SLC47A2: variants seen among roughly 807,000 people sequenced by gnomAD.
The protein encoded by SLC47A2 is multidrug and toxin extrusion protein 2.
Under a neutral mutation model 67.7 loss-of-function variants are expected in SLC47A2, and 52 were observed. The observed-to-expected ratio is 0.77, with a 90% CI of 0.61 to 0.97. SLC47A2 has a LOEUF of 0.97. SLC47A2 is among the 50% of genes least tolerant of loss of function. SLC47A2 has a pLI of 0.00. For missense variants in SLC47A2, 676 were observed against 712.3 expected, an observed-to-expected ratio of 0.95 and a Z score of 0.58; for synonymous variants, 278 against 292.9, an observed-to-expected ratio of 0.95 and a Z score of 0.52.
intron 13 of SLC47A2, among the ~76,000 whole-genome samples, chr17:19,682,329 TCACACACA>T (rs376421449): frequency 6.7e-4 from 97 of 143,886 alleles, no homozygotes; most frequent in African/African-American, 1.7e-3. Context: ...CGAGACTTGG[TCACACACA>T]CACACACACA....
chr17:19,712,973 C>A (rs895910178), intron 4 of SLC47A2, among the ~76,000 whole-genome samples: 5 of 152,138 alleles, frequency 3.3e-5, no homozygotes, highest in African/African-American at 1.2e-4. Context: ...AACTTAAATT[C>A]AGAGTAACGT....
At chr17:19,686,724 G>T (rs943922364) in intron 13 of SLC47A2, among the ~76,000 whole-genome samples, 1 of 152,022 alleles carries the variant, frequency 6.6e-6, no homozygotes, top group East Asian at 1.9e-4. Context: ...CGATAAAGGG[G>T]GTCAGTTCAG....
intron 16 of SLC47A2, 39 bp downstream of exon 16, chr17:19,679,913 A>G (rs746478699): frequency 6.3e-7 from 1 of 1,592,258 alleles, no homozygotes; most frequent in East Asian, 2.2e-5. Flanking sequence ...ACTGACATTT[A>G]TATGTGTACC....
At chr17:19,711,588 CAAAAAA>C (rs35308426) in intron 5 of SLC47A2, among the ~76,000 whole-genome samples, 59 of 33,010 alleles carry the variant, frequency 1.8e-3, no homozygotes, top group South Asian at 9.1e-3. Flanking sequence ...AACTCCGTCT[CAAAAAA>C]AAAAAAAAAA....
intron 13 of SLC47A2, among the ~76,000 whole-genome samples, chr17:19,693,354 G>A (rs919868314): frequency 5.9e-5 from 9 of 152,052 alleles, no homozygotes; most frequent in African/African-American, 1.9e-4. Context: ...TTCTCAACTT[G>A]AAAAAGGGCA....
rs117800395 is a variant in SLC47A2 at position 19,709,267 on chromosome 17, G to A, written c.487-507C>T. Among the ~76,000 whole-genome samples the A allele has an allele frequency of 2.0e-3, 302 of 152,314 alleles. 5 individuals are homozygous for A. The East Asian group carries it at 0.046, about 23-fold the overall frequency. On this transcript the variant is annotated intron_variant, in intron 5 of 16. Transcript: ENST00000433844. ...AGGTTCAAGACCCTACGGGGGTGGC[G>A]GGCCCTTCCCTGGCTGGGGAGGACC...
chr17:19,703,431 A>G (rs892770751), intron 11 of SLC47A2, among the ~76,000 whole-genome samples: 1 of 152,252 alleles, frequency 6.6e-6, no homozygotes, highest in Non-Finnish European at 1.5e-5. Context: ...CATTAGCATC[A>G]CGTGGGAACT....
intron 13 of SLC47A2, among the ~76,000 whole-genome samples, chr17:19,684,117 T>TA (rs1216867950): frequency 6.6e-6 from 1 of 152,178 alleles, no homozygotes; most frequent in Non-Finnish European, 1.5e-5. Flanking sequence ...CTTGCTATGT[T>TA]ACCCTGGCTG....
chr17:19,705,126 A>T, intron 10 of SLC47A2: 1 of 418,480 alleles, frequency 2.4e-6, no homozygotes, highest in Non-Finnish European at 4.2e-6. Context: ...CCAGCCTGGA[A>T]TGTGCATTTT....
At chr17:19,684,314 A>T (rs894488457) in intron 13 of SLC47A2, among the ~76,000 whole-genome samples, 3 of 152,196 alleles carry the variant, frequency 2.0e-5, no homozygotes, top group Admixed American at 6.5e-5. Context: ...TTGGAAATTA[A>T]ATGCACTTCT....
intron 13 of SLC47A2, among the ~76,000 whole-genome samples, chr17:19,686,639 A>T (rs1262308409): frequency 2.0e-5 from 3 of 152,214 alleles, no homozygotes; most frequent in African/African-American, 7.2e-5. Flanking sequence ...ACCAAAAGTG[A>T]TCAGGAGTAG....
rs1464244393 is a variant in SLC47A2 at position 19,716,577 on chromosome 17, C to A, written c.-22G>T. On this transcript the variant is annotated 5_prime_UTR_variant, in exon 1 of 17. Transcript: ENST00000433844. ...CCATTCCTGGCCGGGGCACTGGCTA[C>A]CCTGCACGCCTGAGCGCCTGCACGG... 6.4e-7 allele frequency: 1 copy of A among 1,574,296 alleles called. No individual in the cohort carries two copies. Among genetic ancestry groups the A allele is most frequent in the Admixed American group, 1.9e-5 (1 of 53,700 alleles).
intron 9 of SLC47A2, 37 bp downstream of exon 9, chr17:19,706,611 C>A: frequency 6.6e-7 from 1 of 1,522,742 alleles, no homozygotes; most frequent in South Asian, 1.2e-5. Flanking sequence ...GGTGAGCCGC[C>A]CACACGCCAT....
intron 13 of SLC47A2, among the ~76,000 whole-genome samples, chr17:19,694,690 G>T (rs565217396): frequency 6.6e-6 from 1 of 152,268 alleles, no homozygotes; most frequent in South Asian, 2.1e-4. Flanking sequence ...GGCCAAGGCG[G>T]GTGGATCACG....
intron 13 of SLC47A2, among the ~76,000 whole-genome samples, chr17:19,701,551 C>T (rs1674596494): frequency 6.6e-6 from 1 of 152,280 alleles, no homozygotes; most frequent in Non-Finnish European, 1.5e-5. Context: ...TTCTGCAGAG[C>T]TATGGGAATG....
rs758633096 is a variant in SLC47A2 at position 19,708,313 on chromosome 17, G to A, written c.618C>T (p.Asn206=). ...VANYALVSVL[N]LGVRGSAYAN... is the part of the protein sequence containing the mutation. ...GCCCCCGGGCTCACCTGACCCCCAG[G>A]TTCAGCACAGAAACCAGGGCATAGT... Residue 206 remains asparagine (N), a synonymous_variant, in exon 7 of 17, where the codon AAC becomes AAT. Coordinates refer to ENST00000433844, the MANE Select transcript of SLC47A2 (RefSeq NM_001099646.3). 1.2e-5 allele frequency: 19 copies of A among 1,612,838 alleles called. No individual in the cohort carries two copies. The East Asian group carries it at 1.3e-4, about 11-fold the overall frequency.
At position 19,707,492 on chromosome 17, in the gene SLC47A2, G is replaced by A. The variant is rs1465896660; in HGVS notation, c.727+254C>T. The stretch of plus-strand genomic sequence containing the variant: ...CTCTCACCGCCATCCTGAGAGCAGA[G>A]GCTGGGCAAGAAAGCTCCCTGGGCC... On this transcript the variant is annotated intron_variant, in intron 8 of 16. Transcript: ENST00000433844. 2.0e-5 allele frequency among the ~76,000 whole-genome samples: 3 copies of A among 152,320 alleles called. No homozygotes were observed. In the East Asian group the frequency reaches 5.8e-4, roughly 29 times the overall value.
At chr17:19,703,830 G>T (rs962818291) in intron 11 of SLC47A2, among the ~76,000 whole-genome samples, 1 of 152,232 alleles carries the variant, frequency 6.6e-6, no homozygotes, top group African/African-American at 2.4e-5. Flanking sequence ...ACAGCAGCAG[G>T]GAAGGAGTGA....
At chr17:19,704,737 G>T in intron 10 of SLC47A2, 1 of 1,527,454 alleles carries the variant, frequency 6.5e-7, no homozygotes, top group Non-Finnish European at 8.8e-7. Flanking sequence ...GTGGAGGAGA[G>T]CCCATGGCCC....
Sources: allele counts gnomAD v4.1 joint callset (sites outside exome capture counted in the v4.1 genomes callset), GRCh38; gene constraint gnomAD v4.1.1; transcripts MANE v1.5; gene names NCBI Gene and HGNC (gene_info 2026-07-23, HGNC 2026-07-21).